The following MTUS1 variants were observed in gnomAD, a reference collection of about 807,000 sequenced individuals.
The protein encoded by MTUS1 is microtubule associated scaffold protein 1.
Under a neutral mutation model 120.8 loss-of-function variants are expected in MTUS1, and 109 were observed. That is an observed-to-expected ratio of 0.90 (90% CI 0.77 to 1.06). The LOEUF is 1.06. MTUS1 is among the 50% of genes least tolerant of loss of function. The probability of loss-of-function intolerance (pLI) is 0.00; values close to 1 mark genes in which losing one functional copy is unlikely to be tolerated. For synonymous variants in MTUS1, 737 were observed against 550.5 expected, an observed-to-expected ratio of 1.34 and a Z score of -4.74; for missense variants, 2,210 against 1,486.3, an observed-to-expected ratio of 1.49 and a Z score of -8.01.
chr8:17,725,097 G>C (rs2046127952), intron 3 of MTUS1, among the ~76,000 whole-genome samples: 1 of 151,810 alleles, frequency 6.6e-6, no homozygotes, highest in South Asian at 2.1e-4. Context: ...TCAAACCATT[G>C]GAATCATCTT....
At chr8:17,731,478 G>A (rs531627546) in intron 3 of MTUS1, among the ~76,000 whole-genome samples, 4 of 152,156 alleles carry the variant, frequency 2.6e-5, no homozygotes, top group South Asian at 2.1e-4. Context: ...GTCAGCGCTC[G>A]CCATCCACCA....
At chr8:17,685,862 T>G (rs1477439294) in intron 6 of MTUS1, among the ~76,000 whole-genome samples, 1 of 152,220 alleles carries the variant, frequency 6.6e-6, no homozygotes, top group Admixed American at 6.5e-5. Context: ...TCTTTATTAT[T>G]AGCAATTATT....
At chr8:17,758,151 T>C (rs759000740) in intron 1 of MTUS1, 1 of 151,994 alleles carries the variant, frequency 6.6e-6, no homozygotes, top group African/African-American at 2.4e-5. Flanking sequence ...GAATGAAGAG[T>C]AGGTCTCATT....
Position 17,654,571 on chromosome 8 carries a change from G to A in MTUS1, c.3204C>T (p.Ala1068=), listed in dbSNP as rs778693149. The part of the protein sequence containing the change: ...KLELLKKAYE[A]SLSEIKKGHE... ...AAAAAGCATCCTTGCCTGAAAGGGA[G>A]GCTTCATAGGCCTTCTTTAGCAATT... The change falls in exon 10 of 15, where the codon GCC becomes GCT. Residue 1068 remains alanine (A), a synonymous_variant. Transcript: ENST00000693296. The A allele has an allele frequency of 2.5e-6, 4 of 1,608,722 alleles. No homozygotes were observed. Among genetic ancestry groups the A allele is most frequent in the Non-Finnish European group, 3.4e-6 (4 of 1,175,050 alleles).
chr8:17,776,178 T>C (rs1330297403), intron 1 of MTUS1, among the ~76,000 whole-genome samples: 3 of 152,092 alleles, frequency 2.0e-5, no homozygotes, highest in African/African-American at 7.2e-5. Context: ...CACTATAACA[T>C]AACTAGTATA....
At chr8:17,714,679 G>C (rs1190806137) in intron 5 of MTUS1, among the ~76,000 whole-genome samples, 1 of 152,016 alleles carries the variant, frequency 6.6e-6, no homozygotes, top group Non-Finnish European at 1.5e-5. Context: ...AGTTTTGCTG[G>C]AATAAAAACA....
chr8:17,801,246 C>A (rs962688983), upstream of MTUS1: 1 of 151,662 alleles, frequency 6.6e-6, no homozygotes, highest in Non-Finnish European at 1.5e-5. Context: ...CCCGGAGCCC[C>A]GGCCTCCCCG....
chr8:17,647,511 TCA>T (rs1279000288), intron 13 of MTUS1, among the ~76,000 whole-genome samples: 2 of 152,126 alleles, frequency 1.3e-5, no homozygotes, highest in Non-Finnish European at 2.9e-5. Flanking sequence ...GGCCAGCAAT[TCA>T]CAGTCCCTGG....
Position 17,782,579 on chromosome 8 carries a change from T to C in MTUS1, c.-155+18482A>G, listed in dbSNP as rs1327569562. ...TTAACAGTGAAGTTTTATGGGAGAGTACATCCAAAAATACAGAGAAAATAC... is the reference window on the plus strand; with the variant it reads ...TTAACAGTGAAGTTTTATGGGAGAGCACATCCAAAAATACAGAGAAAATAC... On this transcript the variant is annotated intron_variant, in intron 1 of 14. Coordinates refer to ENST00000693296, the MANE Select transcript of MTUS1 (RefSeq NM_001363059.2). 3.3e-5 allele frequency among the ~76,000 whole-genome samples: 5 copies of C among 152,202 alleles called. No homozygotes were observed. The East Asian group carries it at 9.7e-4, about 29-fold the overall frequency.
At chr8:17,731,779 A>G (rs1018318678) in intron 3 of MTUS1, among the ~76,000 whole-genome samples, 1 of 152,226 alleles carries the variant, frequency 6.6e-6, no homozygotes, top group Non-Finnish European at 1.5e-5. Context: ...TGATGAAACA[A>G]TGAATACAAA....
chr8:17,686,477 T>C (rs910817923), intron 6 of MTUS1, among the ~76,000 whole-genome samples: 13 of 152,212 alleles, frequency 8.5e-5, no homozygotes, highest in South Asian at 6.2e-4. Flanking sequence ...CTGTAACAAA[T>C]ATAGACACAG....
intron 4 of MTUS1, among the ~76,000 whole-genome samples, chr8:17,719,499 A>T (rs1822986537): frequency 6.6e-6 from 1 of 152,250 alleles, no homozygotes. Flanking sequence ...GAACAAAGTT[A>T]ACAGTGGTCT....
At chr8:17,723,312 C>G in intron 4 of MTUS1, 1 of 279,990 alleles carries the variant, frequency 3.6e-6, no homozygotes, top group Admixed American at 4.6e-5. Flanking sequence ...ATCTAGCATC[C>G]AAAGATTCCA....
chr8:17,781,746 C>G (rs529777200), intron 1 of MTUS1, among the ~76,000 whole-genome samples: 91 of 152,334 alleles, frequency 6.0e-4, no homozygotes, highest in African/African-American at 1.8e-3. Flanking sequence ...CTGCCCCCAT[C>G]ATGTGATCAA....
chr8:17,730,327 C>T (rs1024458223), intron 3 of MTUS1, among the ~76,000 whole-genome samples: 2 of 151,882 alleles, frequency 1.3e-5, no homozygotes, highest in Non-Finnish European at 2.9e-5. Flanking sequence ...ACTAAAAATA[C>T]AAAAAACATT....
chr8:17,729,758 C>CAA (rs140863862), intron 3 of MTUS1, among the ~76,000 whole-genome samples: 1 of 148,880 alleles, frequency 6.7e-6, no homozygotes, highest in East Asian at 2.0e-4. Flanking sequence ...TAAGAATAGC[C>CAA]AAAAAAAAAT....
chr8:17,725,369 A>G (rs1431510823), intron 3 of MTUS1, among the ~76,000 whole-genome samples: 2 of 152,168 alleles, frequency 1.3e-5, no homozygotes, highest in Non-Finnish European at 2.9e-5. Flanking sequence ...AAATTACCAC[A>G]TTAAGCTCCC....
At chr8:17,766,621 T>C (rs905536708) in intron 1 of MTUS1, among the ~76,000 whole-genome samples, 1 of 152,242 alleles carries the variant, frequency 6.6e-6, no homozygotes, top group Admixed American at 6.5e-5. Context: ...GTAGAACGCA[T>C]GGCAGGAGCC....
intron 8 of MTUS1, among the ~76,000 whole-genome samples, chr8:17,668,552 T>C (rs1265648930): frequency 6.6e-6 from 1 of 152,224 alleles, no homozygotes; most frequent in Non-Finnish European, 1.5e-5. Flanking sequence ...ACTGGGATTG[T>C]CGGACATAAT....
Sources: allele counts gnomAD v4.1 joint callset (sites outside exome capture counted in the v4.1 genomes callset), GRCh38; gene constraint gnomAD v4.1.1; transcripts MANE v1.5; gene names NCBI Gene and HGNC (gene_info 2026-07-23, HGNC 2026-07-21).